SRBD1: variants seen among roughly 807,000 people sequenced by gnomAD.
SRBD1 encodes S1 RNA-binding domain-containing protein 1.
In SRBD1, 88 loss-of-function variants were observed where a neutral mutation model predicts 115.3. The ratio of observed to expected loss-of-function variants is 0.76; its 90% CI spans 0.64 to 0.91. The LOEUF (loss-of-function observed/expected upper bound fraction) is 0.91. Among genes scored for constraint, SRBD1 ranks in the 40% least tolerant of loss-of-function variants. The pLI is 0.00. For missense variants in SRBD1, 1,385 were observed against 1,177.4 expected (o/e 1.18, Z -2.58); for synonymous variants, 509 against 407.7 (o/e 1.25, Z -2.99).
chr2:45,588,568 CCT>C (rs1673618822), intron 4 of SRBD1, among the ~76,000 whole-genome samples: 1 of 152,184 alleles, frequency 6.6e-6, no homozygotes, highest in Non-Finnish European at 1.5e-5. Context: ...ACTGTGGCCA[CCT>C]CTCTCCATTA....
chr2:45,474,271 T>A (rs12712942), intron 16 of SRBD1, among the ~76,000 whole-genome samples: 12,078 of 152,286 alleles, frequency 0.079, 647 homozygotes, highest in African/African-American at 0.15. Flanking sequence ...TTGTCTACCA[T>A]AGGTTTTCCT....
intron 14 of SRBD1, among the ~76,000 whole-genome samples, chr2:45,506,948 A>G (rs968875458): frequency 6.6e-6 from 1 of 152,132 alleles, no homozygotes; most frequent in Non-Finnish European, 1.5e-5. Flanking sequence ...TGGCTGACTT[A>G]ATTGATTCCA....
At chr2:45,446,279 T>C (rs1011489849) in intron 16 of SRBD1, among the ~76,000 whole-genome samples, 1 of 152,274 alleles carries the variant, frequency 6.6e-6, no homozygotes, top group African/African-American at 2.4e-5. Flanking sequence ...AAAGCTGAGG[T>C]GCTGAATCAG....
chr2:45,481,162 G>A (rs547263255), intron 15 of SRBD1, among the ~76,000 whole-genome samples: 51 of 152,228 alleles, frequency 3.4e-4, no homozygotes, highest in African/African-American at 1.1e-3. Context: ...AATGCCATTA[G>A]ATTCTTAACA....
intron 10 of SRBD1, among the ~76,000 whole-genome samples, chr2:45,555,689 T>A (rs2104075217): frequency 6.6e-6 from 1 of 152,158 alleles, no homozygotes; most frequent in South Asian, 2.1e-4. Flanking sequence ...AGATGGGGTT[T>A]CACTGTATTA....
intron 15 of SRBD1, among the ~76,000 whole-genome samples, chr2:45,481,189 T>C (rs1313874503): frequency 2.6e-5 from 4 of 152,188 alleles, no homozygotes; most frequent in Admixed American, 2.0e-4. Flanking sequence ...AGTATAAACA[T>C]AACTTTTGTA....
At chr2:45,593,100 C>T (rs980297114) in intron 4 of SRBD1, among the ~76,000 whole-genome samples, 1 of 152,124 alleles carries the variant, frequency 6.6e-6, no homozygotes, top group East Asian at 1.9e-4. Flanking sequence ...AAAAAAGGCA[C>T]TCTCGAGAAT....
At chr2:45,534,174 T>C (rs1671695504) in intron 14 of SRBD1, among the ~76,000 whole-genome samples, 1 of 151,820 alleles carries the variant, frequency 6.6e-6, no homozygotes, top group Admixed American at 6.6e-5. Context: ...CACATATACA[T>C]ACACACACAT....
In SRBD1 at chr2:45,580,019, A is replaced by C; in HGVS notation, c.934-6T>G. The C allele has an allele frequency of 6.6e-7, 1 of 1,519,338 alleles. No individual in the cohort carries two copies. The highest frequency in any genetic ancestry group is 8.8e-7 in the Non-Finnish European group (1 of 1,134,654). The allele number at this position is 1,519,338 out of a possible 1,614,324, so 94.1% of individuals were successfully genotyped here. A position where few individuals can be genotyped will look rare whatever the true frequency, so the allele number is the denominator to read the frequency against. On this transcript the variant is annotated splice_region_variant and splice_polypyrimidine_tract_variant and intron_variant, in intron 6 of 20. Transcript: ENST00000263736. ...CCAGTTTTATATGGAGCAGACTAGA[A>C]AATAAAGACAGAAAACATATGATTA...
intron 18 of SRBD1, among the ~76,000 whole-genome samples, chr2:45,416,562 C>T (rs972812854): frequency 6.6e-6 from 1 of 152,036 alleles, no homozygotes; most frequent in South Asian, 2.1e-4. Context: ...GAAAGAGATC[C>T]AGAAGACTGA....
Position 45,433,846 on chromosome 2 carries a change from T to A in SRBD1, c.2050-13952A>T, listed in dbSNP as rs140503092. 5.5e-3 allele frequency among the ~76,000 whole-genome samples: 838 copies of A among 152,332 alleles called. 7 individuals carry two copies. The highest frequency in any genetic ancestry group is 0.019 in the African/African-American group (788 of 41,572). On this transcript the variant is annotated intron_variant, in intron 16 of 20. Transcript: ENST00000263736. ...TTTCATAAGCACATTCTTTTAAAAA[T>A]ACATACTTCAAACATCAGAAGATTT...
chr2:45,599,831 C>T lies in SRBD1; in HGVS notation c.266G>A (p.Ser89Asn). The change falls in exon 4 of 21, where the codon AGC becomes AAC. Residue 89 changes from serine to asparagine, a missense_variant. Physicochemically the swap from Ser to Asn is conservative, Grantham distance 46. Coordinates refer to ENST00000263736, the MANE Select transcript of SRBD1 (RefSeq NM_018079.5). ...EVVVVKEELN[S>N]SVAIADTALE... ...AGCAGTATCAGCAATAGCCACAGAG[C>T]TATTCTATCAAACCACAAAGAGAAC... is the stretch of plus-strand genomic sequence containing the variant. 6.2e-7 allele frequency: 1 copy of T among 1,604,660 alleles called. No homozygotes were observed. Among genetic ancestry groups the T allele is most frequent in the Non-Finnish European group, 8.5e-7 (1 of 1,176,630 alleles).
At chr2:45,553,249 A>C (rs1672360238) in intron 11 of SRBD1, among the ~76,000 whole-genome samples, 1 of 152,154 alleles carries the variant, frequency 6.6e-6, no homozygotes, top group Admixed American at 6.5e-5. Context: ...TTTTTCATCC[A>C]AATAACTCCC....
chr2:45,414,427 T>C (rs1391857064), intron 18 of SRBD1, among the ~76,000 whole-genome samples: 1 of 151,842 alleles, frequency 6.6e-6, no homozygotes, highest in Non-Finnish European at 1.5e-5. Context: ...TACACATATA[T>C]ACATATACAC....
At chr2:45,506,816 C>T (rs1385170535) in intron 14 of SRBD1, among the ~76,000 whole-genome samples, 1 of 152,154 alleles carries the variant, frequency 6.6e-6, no homozygotes, top group Non-Finnish European at 1.5e-5. Flanking sequence ...TTAAATAGTG[C>T]ATATTAAATA....
At chr2:45,570,650 G>T (rs757697224) in intron 9 of SRBD1, among the ~76,000 whole-genome samples, 2 of 152,170 alleles carry the variant, frequency 1.3e-5, no homozygotes, top group Non-Finnish European at 1.5e-5. Flanking sequence ...AACACAGAAA[G>T]AAGTTGCAGA....
At chr2:45,414,894 T>C (rs139584827) in intron 18 of SRBD1, among the ~76,000 whole-genome samples, 2,353 of 95,182 alleles carry the variant, frequency 0.025, 154 homozygotes, top group African/African-American at 0.063. Context: ...ATATAGTATG[T>C]ACACACACAT....
chr2:45,488,088 G>T, intron 15 of SRBD1, 152 bp downstream of exon 15: 1 of 653,118 alleles, frequency 1.5e-6, no homozygotes, highest in South Asian at 1.8e-5. Flanking sequence ...TCAATTATTA[G>T]TCCAATTAAC....
chr2:45,532,687 TAAC>T (rs1475661048), intron 14 of SRBD1, among the ~76,000 whole-genome samples: 3 of 151,776 alleles, frequency 2.0e-5, no homozygotes, highest in Admixed American at 2.0e-4. Flanking sequence ...AAACTGGGCG[TAAC>T]CTTAGAAATG....
Sources: gnomAD v4.1 joint callset for allele counts (sites outside exome capture counted in the v4.1 genomes callset) on GRCh38, gnomAD v4.1.1 for gene constraint, MANE v1.5 for transcripts, NCBI Gene and HGNC (gene_info 2026-07-23, HGNC 2026-07-21) for gene names.